COLQ: variants seen among roughly 807,000 people sequenced by gnomAD.
The protein encoded by COLQ is acetylcholinesterase collagenic tail peptide.
COLQ carries 48 observed loss-of-function variants against 69.0 expected under a neutral mutation model. That is an observed-to-expected ratio of 0.70 (90% CI 0.55 to 0.88). The LOEUF is 0.88. COLQ is among the 40% of genes least tolerant of loss of function. The pLI is 0.00. For missense variants in COLQ, 618 were observed against 594.6 expected, an observed-to-expected ratio of 1.04 and a Z score of -0.41; for synonymous variants, 217 against 211.2, an observed-to-expected ratio of 1.03 and a Z score of -0.24.
intron 1 of COLQ, among the ~76,000 whole-genome samples, chr3:15,500,912 T>C (rs1415636328): frequency 1.3e-5 from 2 of 152,340 alleles, no homozygotes; most frequent in East Asian, 3.9e-4. Flanking sequence ...CCATTTCCCC[T>C]GTGGGTCTGG....
chr3:15,499,124 C>T (rs940501761), intron 1 of COLQ, among the ~76,000 whole-genome samples: 1 of 151,534 alleles, frequency 6.6e-6, no homozygotes, highest in Non-Finnish European at 1.5e-5. Context: ...CAAAGTGTTG[C>T]TGACAAAGCT....
At chr3:15,475,691 A>G (rs1233043929) in intron 6 of COLQ, among the ~76,000 whole-genome samples, 1 of 152,226 alleles carries the variant, frequency 6.6e-6, no homozygotes, top group African/African-American at 2.4e-5. Context: ...GATTAAATAT[A>G]AAATGAAAAC....
In COLQ at chr3:15,477,203, A is replaced by T; in HGVS notation, c.394-6T>A. 1 of 1,604,094 alleles carries T rather than the reference A, an allele frequency of 6.2e-7. No individual in the cohort carries two copies. Among genetic ancestry groups the T allele is most frequent in the South Asian group, 1.1e-5 (1 of 88,876 alleles). The stretch of plus-strand genomic sequence containing the variant: ...CCTGGGGGGCCAGGTCTACCCTTCA[A>T]AGACCAAGAACAAAAGTCAGGGCAA... On this transcript the variant is annotated splice_polypyrimidine_tract_variant and splice_region_variant and intron_variant, in intron 5 of 16. Coordinates refer to ENST00000383788, the MANE Select transcript of COLQ (RefSeq NM_005677.4).
At chr3:15,496,009 C>T (rs1575488390) in intron 1 of COLQ, among the ~76,000 whole-genome samples, 1 of 152,354 alleles carries the variant, frequency 6.6e-6, no homozygotes, top group East Asian at 1.9e-4. Flanking sequence ...ATGCACTCAT[C>T]ACCATTATTT....
In COLQ at chr3:15,474,248, G is replaced by C; in HGVS notation, c.580C>G (p.Leu194Val). 6.2e-7 allele frequency: 1 copy of C among 1,614,012 alleles called. No individual in the cohort carries two copies. The change falls in exon 9 of 17, where the codon CTG becomes GTG. Residue 194 changes from leucine to valine, a missense_variant. Physicochemically the swap from Leu to Val is conservative, Grantham distance 32. Coordinates refer to ENST00000383788, the MANE Select transcript of COLQ (RefSeq NM_005677.4). ...EKGSRGEKGD[L>V]GPKGEKGFPG... ...ATTACCTTTTCTCCTTTGGGACCCA[G>C]GTCACCCTTTTCACCTCTGGATCCC...
chr3:15,497,156 G>T (rs756207788), intron 1 of COLQ, among the ~76,000 whole-genome samples: 1 of 147,982 alleles, frequency 6.8e-6, no homozygotes, highest in Non-Finnish European at 1.5e-5. Flanking sequence ...CCACTCTCAT[G>T]CCTCAGTCTC....
intron 1 of COLQ, among the ~76,000 whole-genome samples, chr3:15,518,403 A>G (rs961793971): frequency 2.0e-5 from 3 of 152,202 alleles, no homozygotes; most frequent in African/African-American, 7.2e-5. Context: ...GTCACGGACT[A>G]TCTATGTCTA....
intron 1 of COLQ, among the ~76,000 whole-genome samples, chr3:15,490,997 G>T (rs2062657137): frequency 6.6e-6 from 1 of 152,044 alleles, no homozygotes; most frequent in Admixed American, 6.5e-5. Flanking sequence ...ATGGGCATTG[G>T]CCAGGACCAT....
chr3:15,496,675 G>C (rs1230849226), intron 1 of COLQ, among the ~76,000 whole-genome samples: 1 of 152,238 alleles, frequency 6.6e-6, no homozygotes, highest in Admixed American at 6.5e-5. Context: ...CCAACTTAAA[G>C]ACATCAAGCT....
Position 15,497,544 on chromosome 3 carries a change from G to T in COLQ, c.107-7907C>A, listed in dbSNP as rs556822613. 6.6e-5 allele frequency among the ~76,000 whole-genome samples: 10 copies of T among 152,232 alleles called. No individual in the cohort carries two copies. The South Asian group carries it at 2.1e-3, about 32-fold the overall frequency. ...TGTCATTAGAAACTGTCAAAGGAAA[G>T]AAGTGACATAAGCATCCTGCCTCAG... On this transcript the variant is annotated intron_variant, in intron 1 of 16. Transcript: ENST00000383788.
At chr3:15,467,816 A>C in intron 11 of COLQ, 1 of 455,128 alleles carries the variant, frequency 2.2e-6, no homozygotes, top group Non-Finnish European at 4.4e-6. Context: ...CAGGCTTGGG[A>C]CTCCTTTCCA....
intron 11 of COLQ, among the ~76,000 whole-genome samples, chr3:15,470,169 TA>T (rs1168601726): frequency 2.0e-5 from 3 of 152,226 alleles, no homozygotes; most frequent in African/African-American, 7.2e-5. Context: ...GGCTCATTTT[TA>T]AAACTTCATT....
intron 9 of COLQ, 53 bp downstream of exon 9, chr3:15,474,175 G>C: frequency 6.2e-7 from 1 of 1,605,234 alleles, no homozygotes; most frequent in Non-Finnish European, 8.5e-7. Context: ...GTGGGTGGGG[G>C]CTGCTACTTG....
At chr3:15,514,145 G>A (rs570826512) in intron 1 of COLQ, among the ~76,000 whole-genome samples, 6 of 152,160 alleles carry the variant, frequency 3.9e-5, no homozygotes, top group Non-Finnish European at 8.8e-5. Context: ...GAGGGAGCTC[G>A]GCCTTGGCGA....
chr3:15,516,326 G>T (rs2063062420), intron 1 of COLQ, among the ~76,000 whole-genome samples: 1 of 152,194 alleles, frequency 6.6e-6, no homozygotes, highest in Non-Finnish European at 1.5e-5. Flanking sequence ...TCCAGGCAGG[G>T]GAGCACGGGG....
intron 1 of COLQ, 84 bp downstream of exon 1, chr3:15,521,436 A>C (rs2063136046): frequency 1.3e-6 from 2 of 1,565,598 alleles, no homozygotes; most frequent in Admixed American, 3.5e-5. Flanking sequence ...TGGCAAAAAC[A>C]TCAGGACACA....
At chr3:15,508,236 A>G (rs1176427216) in intron 1 of COLQ, among the ~76,000 whole-genome samples, 2 of 152,214 alleles carry the variant, frequency 1.3e-5, no homozygotes, top group Non-Finnish European at 2.9e-5. Context: ...AACAGTCTTT[A>G]AACTACCTTA....
rs932153956 is a variant in COLQ, at chr3:15,450,653, T to G, written c.*991A>C. 6.5e-6 allele frequency: 1 copy of G among 153,056 alleles called. No homozygotes were observed. Among genetic ancestry groups the G allele is most frequent in the Non-Finnish European group, 1.5e-5 (1 of 68,150 alleles). 9.5% of individuals were successfully genotyped at this position (153,056 alleles called of 1,614,324 possible). Reference sequence around the variant, plus strand: ...ACATGAAAGAAATGCCACGGGACGCTGTCAGGGGTCAGCAGGAGGCAAAGA... The same window carrying G: ...ACATGAAAGAAATGCCACGGGACGCGGTCAGGGGTCAGCAGGAGGCAAAGA... On this transcript the variant is annotated 3_prime_UTR_variant, in exon 17 of 17. Transcript: ENST00000383788.
intron 1 of COLQ, among the ~76,000 whole-genome samples, chr3:15,519,563 C>G (rs986739921): frequency 6.6e-6 from 1 of 152,194 alleles, no homozygotes; most frequent in Admixed American, 6.5e-5. Flanking sequence ...AGTTGCTAAT[C>G]TCTAGGTGCC....
Sources: gnomAD v4.1 joint callset for allele counts (sites outside exome capture counted in the v4.1 genomes callset) on GRCh38, gnomAD v4.1.1 for gene constraint, MANE v1.5 for transcripts, NCBI Gene and HGNC (gene_info 2026-07-23, HGNC 2026-07-21) for gene names.